Variants in TMX1 observed in about 807,000 individuals in gnomAD.
TMX1 encodes the protein thioredoxin-related transmembrane protein 1.
TMX1 carries 25 observed loss-of-function variants against 36.6 expected under a neutral mutation model. The ratio of observed to expected loss-of-function variants is 0.68; its 90% CI spans 0.50 to 0.95. The LOEUF (loss-of-function observed/expected upper bound fraction) is 0.95. Ranked by LOEUF, TMX1 falls within the 40% of genes least tolerant of loss-of-function variation. TMX1 has a pLI of 0.00. For synonymous variants in TMX1, 133 were observed against 118.0 expected, an observed-to-expected ratio of 1.13 and a Z score of -0.82; for missense variants, 347 against 339.6, an observed-to-expected ratio of 1.02 and a Z score of -0.17.
intron 1 of TMX1, among the ~76,000 whole-genome samples, chr14:51,243,207 T>C (rs1465287477): frequency 6.6e-6 from 1 of 152,056 alleles, no homozygotes; most frequent in Non-Finnish European, 1.5e-5. Flanking sequence ...TAAATGCTAA[T>C]ATGCTTGCAT....
rs767853573 is a variant in TMX1 at position 51,249,708 on chromosome 14, G to A, written c.607G>A (p.Ala203Thr). ...ATTTTTACAGTGTATGATATTTGTGGCAGATTGCCTTTGTCCTTCAAAAAG... is the reference window on the plus strand; with the variant it reads ...ATTTTTACAGTGTATGATATTTGTGACAGATTGCCTTTGTCCTTCAAAAAG... ...LLLGLCMIFV[A>T]DCLCPSKRRR... Residue 203 changes from alanine (A) to threonine (T), a missense_variant, in exon 7 of 8, where the codon GCA becomes ACA. Coordinates refer to ENST00000457354, the MANE Select transcript of TMX1 (RefSeq NM_030755.5). The A allele has an allele frequency of 5.0e-6, 8 of 1,613,496 alleles. No individual in the cohort carries two copies. In the Admixed American group the frequency reaches 8.3e-5, roughly 17 times the overall value.
At position 51,245,574 on chromosome 14, in the gene TMX1, G is replaced by C. The variant is rs116738492; in HGVS notation, c.314+216G>C. The C allele has an allele frequency of 5.0e-4, 603 of 1,197,934 alleles. 1 individual carries two copies. In the African/African-American group the frequency reaches 7.9e-3, roughly 16 times the overall value. 74.2% of individuals were successfully genotyped at this position (1,197,934 alleles called of 1,614,324 possible). A position where few individuals can be genotyped will look rare whatever the true frequency, so the allele number is the denominator to read the frequency against. ...TCTCTGTTCTCAAAGATTTACAGTTGTTTTGGAAAGTGATGTTCTTGTGAA... is the reference window on the plus strand; with the variant it reads ...TCTCTGTTCTCAAAGATTTACAGTTCTTTTGGAAAGTGATGTTCTTGTGAA... On this transcript the variant is annotated intron_variant, in intron 3 of 7. Coordinates refer to ENST00000457354, the MANE Select transcript of TMX1 (RefSeq NM_030755.5).
At chr14:51,243,506 A>G (rs2065771706) in intron 1 of TMX1, among the ~76,000 whole-genome samples, 1 of 152,208 alleles carries the variant, frequency 6.6e-6, no homozygotes, top group East Asian at 1.9e-4. Flanking sequence ...TCTGCATTAT[A>G]AATTATTAAA....
rs774417383 is a variant in TMX1, at chr14:51,254,456, C to G, written c.780C>G (p.Asp260Glu). The change falls in exon 8 of 8, where the codon GAC becomes GAG. Residue 260 changes from aspartate (D) to glutamate (E), a missense_variant. Physicochemically the swap from Asp to Glu is conservative, Grantham distance 45 (BLOSUM62 2). Coordinates refer to ENST00000457354, the MANE Select transcript of TMX1 (RefSeq NM_030755.5). ...AAAGTAAAGAAGGAACAAACAAAGA[C>G]TTTCCACAGAATGCCATAAGACAAC... is the stretch of plus-strand genomic sequence containing the variant. ...EAESKEGTNK[D>E]FPQNAIRQRS... 8 of 1,611,774 alleles carry G rather than the reference C, an allele frequency of 5.0e-6. No homozygotes were observed. The highest frequency in any genetic ancestry group is 1.1e-5 in the South Asian group (1 of 90,386).
intron 7 of TMX1, among the ~76,000 whole-genome samples, chr14:51,250,099 G>A (rs1280984212): frequency 2.0e-5 from 3 of 152,056 alleles, no homozygotes; most frequent in East Asian, 1.9e-4. Flanking sequence ...TTAGTATACC[G>A]GCCGCCACAT....
At chr14:51,248,124 G>A (rs1359416352) in intron 4 of TMX1, among the ~76,000 whole-genome samples, 1 of 152,246 alleles carries the variant, frequency 6.6e-6, no homozygotes, top group Non-Finnish European at 1.5e-5. Flanking sequence ...TATCTAGAGG[G>A]TAGATGAATT....
intron 3 of TMX1, 88 bp from the exon 4 acceptor site, chr14:51,247,004 T>C: frequency 1.7e-6 from 2 of 1,188,962 alleles, no homozygotes; most frequent in Non-Finnish European, 2.3e-6. Context: ...AATGTTAGAA[T>C]TGACTGTAAA....
At chr14:51,252,120 G>T in intron 7 of TMX1, among the ~76,000 whole-genome samples, 1 of 151,466 alleles carries the variant, frequency 6.6e-6, no homozygotes, top group Non-Finnish European at 1.5e-5. Context: ...TTGAACCTAA[G>T]GAAATGACAG....
Position 51,245,315 on chromosome 14 carries a change from C to G in TMX1, c.271C>G (p.Leu91Val), listed in dbSNP as rs758411501. ...AKVDVTEQPG[L>V]SGRFIITALP... The stretch of plus-strand genomic sequence containing the variant: ...TGCTGTGTGTTCTTTATTTGTAGGA[C>G]TGAGTGGACGGTTTATCATAACTGC... Residue 91 changes from leucine to valine, a missense_variant and splice_region_variant, in exon 3 of 8, where the codon CTG becomes GTG. Coordinates refer to ENST00000457354, the MANE Select transcript of TMX1 (RefSeq NM_030755.5). 8 of 1,613,804 alleles carry G rather than the reference C, an allele frequency of 5.0e-6. No individual in the cohort carries two copies. The highest frequency in any genetic ancestry group is 6.8e-6 in the Non-Finnish European group (8 of 1,179,942).
Position 51,255,455 on chromosome 14 carries a change from A to G in TMX1, c.*936A>G, listed in dbSNP as rs556414465. The G allele has an allele frequency of 6.6e-6, 1 of 151,836 alleles. No individual in the cohort carries two copies. Among genetic ancestry groups the G allele is most frequent in the Admixed American group, 6.5e-5 (1 of 15,268 alleles). 9.4% of individuals were successfully genotyped at this position (151,836 alleles called of 1,614,324 possible). A position where few individuals can be genotyped will look rare whatever the true frequency, so the allele number is the denominator to read the frequency against. On this transcript the variant is annotated 3_prime_UTR_variant, in exon 8 of 8. Transcript: ENST00000457354. ...CATTCCTGATTTTTGTCTGATGTGAAAAAGCCTTGGTATTTTACATTTTGA... is the reference window on the plus strand; with the variant it reads ...CATTCCTGATTTTTGTCTGATGTGAGAAAGCCTTGGTATTTTACATTTTGA...
chr14:51,241,519 C>A (rs2065761258), intron 1 of TMX1, among the ~76,000 whole-genome samples: 1 of 152,140 alleles, frequency 6.6e-6, no homozygotes, highest in Non-Finnish European at 1.5e-5. Context: ...TGCTGGCTTT[C>A]TTTGGGTCTT....
In TMX1 at chr14:51,256,199, A is replaced by T. The variant is rs1037036601; in HGVS notation, c.*1680A>T. 6.6e-6 allele frequency: 1 copy of T among 152,240 alleles called. No individual in the cohort carries two copies. Among genetic ancestry groups the T allele is most frequent in the Non-Finnish European group, 1.5e-5 (1 of 67,962 alleles). The allele number at this position is 152,240 out of a possible 1,614,324, so 9.4% of individuals were successfully genotyped here. On this transcript the variant is annotated 3_prime_UTR_variant, in exon 8 of 8. Transcript: ENST00000457354. ...TCTTTTTCTATTGAGATGTTTAAGG[A>T]CAGTAATGCTCATTAATCAAGCATT...
At position 51,257,624 on chromosome 14, in the gene TMX1, A is replaced by G. The variant is rs1048945558; in HGVS notation, c.*3105A>G. The G allele has an allele frequency of 3.3e-5, 5 of 152,216 alleles. No homozygotes were observed. The highest frequency in any genetic ancestry group is 7.3e-5 in the Non-Finnish European group (5 of 68,032). The allele number at this position is 152,216 out of a possible 1,614,324, so 9.4% of individuals were successfully genotyped here. The stretch of plus-strand genomic sequence containing the variant: ...AAACCATTAAAACTAGAGTAACAAT[A>G]AATTTAAGTTGGAATTTTGGTAATA... On this transcript the variant is annotated 3_prime_UTR_variant, in exon 8 of 8. Transcript: ENST00000457354.
chr14:51,242,720 T>C (rs1410069151), intron 1 of TMX1, among the ~76,000 whole-genome samples: 3 of 152,098 alleles, frequency 2.0e-5, no homozygotes, highest in African/African-American at 7.2e-5. Flanking sequence ...GAGGTTGCAG[T>C]GAGCCCAGAT....
intron 7 of TMX1, 152 bp downstream of exon 7, chr14:51,249,917 G>A (rs2065804105): frequency 1.7e-6 from 1 of 589,388 alleles, no homozygotes; most frequent in Non-Finnish European, 2.9e-6. Flanking sequence ...GGAAGGTAGA[G>A]GAGATGTATA....
In TMX1 at chr14:51,246,606, GA is replaced by G. The variant is rs564904090; in HGVS notation, c.315-484del. Among the ~76,000 whole-genome samples, 10 of 152,296 alleles carry G rather than the reference GA, an allele frequency of 6.6e-5. No individual in the cohort carries two copies. The East Asian group carries it at 1.9e-3, about 29-fold the overall frequency. On this transcript the variant is annotated intron_variant, in intron 3 of 7. Transcript: ENST00000457354. Reference sequence around the variant, plus strand: ...CACTAAATAGTCACTGAAATGAGAGGAAGGGAAGCACCATACCAGATGCCTC... The same window carrying G: ...CACTAAATAGTCACTGAAATGAGAGGAGGGAAGCACCATACCAGATGCCTC...
At chr14:51,253,503 G>A (rs554415761) in intron 7 of TMX1, among the ~76,000 whole-genome samples, 4 of 152,230 alleles carry the variant, frequency 2.6e-5, no homozygotes, top group African/African-American at 7.2e-5. Context: ...CCTTCCTTGC[G>A]GGTGTCCCCT....
chr14:51,250,467 C>T (rs1198029368), intron 7 of TMX1, among the ~76,000 whole-genome samples: 1 of 135,542 alleles, frequency 7.4e-6, no homozygotes, highest in East Asian at 2.1e-4. Context: ...GATATTCCTT[C>T]ATTTATTATG....
At chr14:51,253,311 C>T (rs1242217832) in intron 7 of TMX1, among the ~76,000 whole-genome samples, 1 of 152,128 alleles carries the variant, frequency 6.6e-6, no homozygotes, top group Non-Finnish European at 1.5e-5. Context: ...TTGAGGAGGG[C>T]GAGAACTTAC....
Sources: allele counts gnomAD v4.1 joint callset (sites outside exome capture counted in the v4.1 genomes callset), GRCh38; gene constraint gnomAD v4.1.1; transcripts MANE v1.5; gene names NCBI Gene and HGNC (gene_info 2026-07-23, HGNC 2026-07-21).